Variants in ZNF789 observed in about 807,000 individuals in gnomAD.
ZNF789 encodes zinc finger protein 789.
Under a neutral mutation model 15.6 loss-of-function variants are expected in ZNF789, and 11 were observed. The ratio of observed to expected loss-of-function variants is 0.70; its 90% CI spans 0.44 to 1.16. The LOEUF (loss-of-function observed/expected upper bound fraction) is 1.16. Ranked by LOEUF, ZNF789 falls within the 50% of genes most tolerant of loss-of-function variation. ZNF789 has a pLI of 0.00. For missense variants in ZNF789, 461 were observed against 512.6 expected, an observed-to-expected ratio of 0.90 and a Z score of 0.97; for synonymous variants, 159 against 176.0, an observed-to-expected ratio of 0.90 and a Z score of 0.76.
Position 99,484,015 on chromosome 7 carries a change from C to T in ZNF789, c.152-15C>T. On this transcript the variant is annotated splice_polypyrimidine_tract_variant and intron_variant, in intron 3 of 4. Coordinates refer to ENST00000331410, the MANE Select transcript of ZNF789 (RefSeq NM_213603.3). The stretch of plus-strand genomic sequence containing the variant: ...CTCACTAACGGCCACATCCCATTTA[C>T]TTCCCCATGAGTAGGATTTCAGTTT... 4 of 1,611,872 alleles carry T rather than the reference C, an allele frequency of 2.5e-6. No individual in the cohort carries two copies. Among genetic ancestry groups the T allele is most frequent in the South Asian group, 1.1e-5 (1 of 91,032 alleles).
intron 3 of ZNF789, chr7:99,481,902 C>A: frequency 2.3e-6 from 1 of 435,890 alleles, no homozygotes. Context: ...CCAGAAGTAA[C>A]TCTTGTTATT....
chr7:99,484,940 C>T (rs1032129348), intron 4 of ZNF789, among the ~76,000 whole-genome samples: 3 of 152,070 alleles, frequency 2.0e-5, no homozygotes, highest in Non-Finnish European at 4.4e-5. Context: ...AAAGAACTCT[C>T]ACAGTTGGGA....
intron 1 of ZNF789, among the ~76,000 whole-genome samples, chr7:99,473,560 T>G (rs1164576749): frequency 6.6e-6 from 1 of 152,202 alleles, no homozygotes; most frequent in African/African-American, 2.4e-5. Flanking sequence ...CAGTTTATCA[T>G]GCGGACGAGA....
At position 99,484,107 on chromosome 7, in the gene ZNF789, A is replaced by G. The variant is rs6962772; in HGVS notation, c.229A>G (p.Thr77Ala). Residue 77 changes from threonine (T) to alanine (A), a missense_variant, in exon 4 of 5, where the codon ACT becomes GCT. Coordinates refer to ENST00000331410, the MANE Select transcript of ZNF789 (RefSeq NM_213603.3). Reference sequence around the variant, plus strand: ...GCAGTGGATCCTGGATCTACCGAGAACTGGGAATAGGAAGGCTTCCGGTAG... The same window carrying G: ...GCAGTGGATCCTGGATCTACCGAGAGCTGGGAATAGGAAGGCTTCCGGTAG... ...DEQWILDLPR[T>A]GNRKASGSAC... The G allele has an allele frequency of 0.21, 341,290 of 1,613,414 alleles. 54,898 individuals carry two copies. The highest frequency in any genetic ancestry group is 0.82 in the African/African-American group (61,737 of 74,848).
intron 3 of ZNF789, 69 bp downstream of exon 3, chr7:99,479,856 T>C (rs909715808): frequency 1.4e-6 from 2 of 1,477,910 alleles, no homozygotes; most frequent in Non-Finnish European, 1.8e-6. Flanking sequence ...TAGTCCCTTA[T>C]CTGCAATTCC....
chr7:99,479,816 G>T, intron 3 of ZNF789, 29 bp downstream of exon 3: 2 of 1,605,978 alleles, frequency 1.2e-6, no homozygotes, highest in South Asian at 1.1e-5. Flanking sequence ...ATTGGGCTTT[G>T]TCTGTGTTCT....
At chr7:99,474,146 C>CA (rs1467981097) in intron 1 of ZNF789, among the ~76,000 whole-genome samples, 1 of 152,220 alleles carries the variant, frequency 6.6e-6, no homozygotes, top group African/African-American at 2.4e-5. Context: ...CCTTCACAAA[C>CA]ACATTCAGTA....
chr7:99,482,388 C>T lies in ZNF789; in HGVS notation c.152-1642C>T, dbSNP rs10273355. On this transcript the variant is annotated intron_variant, in intron 3 of 4. Coordinates refer to ENST00000331410, the MANE Select transcript of ZNF789 (RefSeq NM_213603.3). ...GAATTAACTGTGTGTTGTGCACCTGCGTTTTGACTGCCACTGGTCACGTGA... is the reference window on the plus strand; with the variant it reads ...GAATTAACTGTGTGTTGTGCACCTGTGTTTTGACTGCCACTGGTCACGTGA... 1,114 of 626,214 alleles carry T rather than the reference C, an allele frequency of 1.8e-3. 6 individuals carry two copies. The highest frequency in any genetic ancestry group is 0.016 in the African/African-American group (882 of 54,862). The allele number at this position is 626,214 out of a possible 1,614,324, so 38.8% of individuals were successfully genotyped here.
At chr7:99,483,926 C>T (rs907965404) in intron 3 of ZNF789, 104 bp from the exon 4 acceptor site, 3 of 897,768 alleles carry the variant, frequency 3.3e-6, no homozygotes, top group Non-Finnish European at 5.7e-6. Context: ...TCTATTCTCA[C>T]CACCGCTTTT....
intron 4 of ZNF789, among the ~76,000 whole-genome samples, chr7:99,486,072 C>T (rs1328042838): frequency 6.6e-6 from 1 of 152,184 alleles, no homozygotes; most frequent in Admixed American, 6.5e-5. Context: ...AATCCCAGCA[C>T]TTTGGGAGGC....
At chr7:99,477,816 C>T (rs544166932) in intron 2 of ZNF789, among the ~76,000 whole-genome samples, 2 of 152,242 alleles carry the variant, frequency 1.3e-5, no homozygotes, top group South Asian at 4.1e-4. Context: ...GGTATAGTGG[C>T]GCATGCCTAT....
chr7:99,484,283 A>T, intron 4 of ZNF789, 140 bp downstream of exon 4: 1 of 623,942 alleles, frequency 1.6e-6, no homozygotes, highest in South Asian at 2.0e-5. Flanking sequence ...CTGCCCTGTG[A>T]AGTGGGAGGA....
intron 3 of ZNF789, 198 bp from the exon 4 acceptor site, chr7:99,483,832 A>C: frequency 1.3e-6 from 1 of 782,068 alleles, no homozygotes; most frequent in Non-Finnish European, 2.4e-6. Context: ...TATTTCTAAG[A>C]GTGAAATGAC....
intron 4 of ZNF789, chr7:99,485,177 G>A: frequency 6.5e-7 from 1 of 1,535,356 alleles, no homozygotes; most frequent in Non-Finnish European, 8.7e-7. Context: ...TGACATATCT[G>A]CATTTTTCTA....
intron 1 of ZNF789, among the ~76,000 whole-genome samples, chr7:99,474,009 G>T (rs1167704769): frequency 1.3e-5 from 2 of 152,202 alleles, no homozygotes; most frequent in Non-Finnish European, 2.9e-5. Context: ...TCCAACTCCT[G>T]AACTCAAGGG....
At chr7:99,480,013 C>A in intron 3 of ZNF789, 1 of 523,986 alleles carries the variant, frequency 1.9e-6, no homozygotes, top group Non-Finnish European at 3.2e-6. Flanking sequence ...GTGTGCATAT[C>A]TGTATACCCA....
At chr7:99,479,519 G>A (rs1799507723) in intron 2 of ZNF789, 142 bp from the exon 3 acceptor site, 1 of 991,718 alleles carries the variant, frequency 1.0e-6, no homozygotes, top group African/African-American at 1.7e-5. Flanking sequence ...GGCCTGAAAG[G>A]AGCCCTGAAT....
chr7:99,478,537 G>A (rs1044705875), intron 2 of ZNF789: 26 of 426,278 alleles, frequency 6.1e-5, no homozygotes, highest in African/African-American at 1.0e-4. Flanking sequence ...GACAGCGAAC[G>A]TTTGCCCTTT....
At chr7:99,481,870 A>T in intron 3 of ZNF789, 1 of 377,260 alleles carries the variant, frequency 2.7e-6, no homozygotes, top group Non-Finnish European at 4.8e-6. Context: ...TAGATAATAA[A>T]AATCACCTGC....
Sources: gnomAD v4.1 joint callset for allele counts (sites outside exome capture counted in the v4.1 genomes callset) on GRCh38, gnomAD v4.1.1 for gene constraint, MANE v1.5 for transcripts, NCBI Gene and HGNC (gene_info 2026-07-23, HGNC 2026-07-21) for gene names.